Variants in MAMDC2 observed in about 807,000 individuals in gnomAD.
The protein encoded by MAMDC2 is MAM domain containing 2, also known as MAM domain-containing protein 2.
A neutral mutation model predicts 89.8 loss-of-function variants in MAMDC2; 57 were observed. The ratio of observed to expected loss-of-function variants is 0.63; its 90% CI spans 0.51 to 0.79. The LOEUF (loss-of-function observed/expected upper bound fraction) is 0.79, where lower values mean the gene tolerates loss of function less well. Among genes scored for constraint, MAMDC2 ranks in the 30% least tolerant of loss-of-function variants. The probability of loss-of-function intolerance (pLI) is 0.00; values close to 1 mark genes in which losing one functional copy is unlikely to be tolerated. For synonymous variants in MAMDC2, 313 were observed against 293.4 expected, an observed-to-expected ratio of 1.07 and a Z score of -0.68; for missense variants, 800 against 820.6, an observed-to-expected ratio of 0.97 and a Z score of 0.31.
intron 7 of MAMDC2, among the ~76,000 whole-genome samples, chr9:70,133,843 T>A (rs1482724429): frequency 6.6e-6 from 1 of 152,078 alleles, no homozygotes; most frequent in Non-Finnish European, 1.5e-5. Context: ...TGACCACCCA[T>A]CCCTGGAGAA....
chr9:70,145,204 C>G (rs910657096), intron 9 of MAMDC2, among the ~76,000 whole-genome samples: 3 of 152,182 alleles, frequency 2.0e-5, no homozygotes, highest in South Asian at 4.1e-4. Flanking sequence ...GTATTCCTTA[C>G]GTGATTTTAT....
chr9:70,221,102 T>A (rs996721770), intron 12 of MAMDC2, among the ~76,000 whole-genome samples: 16 of 151,768 alleles, frequency 1.1e-4, no homozygotes, highest in Admixed American at 2.6e-4. Flanking sequence ...GTATTGTCCA[T>A]TTACTATTCT....
intron 4 of MAMDC2, among the ~76,000 whole-genome samples, chr9:70,110,007 C>G (rs775741234): frequency 6.6e-6 from 1 of 152,106 alleles, no homozygotes; most frequent in Non-Finnish European, 1.5e-5. Flanking sequence ...TTAGAATCTG[C>G]CTGTACAGTC....
At chr9:70,218,256 A>T (rs998609857) in intron 11 of MAMDC2, 81 bp from the exon 12 acceptor site, 1 of 1,460,224 alleles carries the variant, frequency 6.8e-7, no homozygotes, top group Non-Finnish European at 9.2e-7. Context: ...TCTTGACTTG[A>T]CACTCTGAAA....
intron 11 of MAMDC2, among the ~76,000 whole-genome samples, chr9:70,214,410 G>A (rs1262056107): frequency 6.6e-6 from 1 of 152,172 alleles, no homozygotes; most frequent in Non-Finnish European, 1.5e-5. Flanking sequence ...TAATACAAAG[G>A]CCAGTGTGGC....
intron 9 of MAMDC2, 89 bp downstream of exon 9, chr9:70,143,908 T>C: frequency 6.7e-7 from 1 of 1,487,294 alleles, no homozygotes; most frequent in South Asian, 1.3e-5. Flanking sequence ...ACTGGTGATG[T>C]ATTATTTTCC....
At chr9:70,104,800 T>C (rs1380945352) in intron 2 of MAMDC2, among the ~76,000 whole-genome samples, 2 of 152,134 alleles carry the variant, frequency 1.3e-5, no homozygotes, top group African/African-American at 2.4e-5. Flanking sequence ...GAATGAGGGA[T>C]GACTGCTAAT....
intron 10 of MAMDC2, chr9:70,169,751 T>C (rs779781419): frequency 7.2e-5 from 11 of 152,310 alleles, no homozygotes; most frequent in Non-Finnish European, 1.3e-4. Context: ...AGAAGCACCA[T>C]TCTAATAATT....
rs960259902 is a variant in MAMDC2 at position 70,044,678 on chromosome 9, G to A, written c.129G>A (p.Pro43=). The A allele has an allele frequency of 1.2e-5, 18 of 1,551,404 alleles. No homozygotes were observed. The highest frequency in any genetic ancestry group is 1.7e-4 in the Middle Eastern group (1 of 5,994). ...TTGACTCCGTGTTGGCCTCTCTGCC[G>A]TGGATTTTAAATGAGGAAGGTAAGG... ...CGFDSVLASL[P]WILNEEGHYI... The change falls in exon 2 of 14, where the codon CCG becomes CCA. Residue 43 remains proline, a synonymous_variant. Transcript: ENST00000377182.
chr9:70,220,619 T>C (rs565350593), intron 12 of MAMDC2, among the ~76,000 whole-genome samples: 11 of 152,256 alleles, frequency 7.2e-5, no homozygotes, highest in Admixed American at 7.2e-4. Flanking sequence ...CTGATCCTAT[T>C]TCCCCATTTT....
At chr9:70,043,619 C>T (rs1335024537), upstream of MAMDC2, 1 of 154,628 alleles carries the variant, frequency 6.5e-6, no homozygotes, top group Non-Finnish European at 1.4e-5. Flanking sequence ...ATTCCACCCT[C>T]TTTCATTCTG....
intron 11 of MAMDC2, among the ~76,000 whole-genome samples, chr9:70,181,536 C>G (rs1409929300): frequency 6.6e-6 from 1 of 151,868 alleles, no homozygotes; most frequent in African/African-American, 2.4e-5. Context: ...TTCTTGAGCA[C>G]TGGTTTGTAG....
intron 2 of MAMDC2, among the ~76,000 whole-genome samples, chr9:70,058,158 A>G (rs562516077): frequency 1.9e-3 from 295 of 152,334 alleles, no homozygotes; most frequent in African/African-American, 6.9e-3. Flanking sequence ...TTATTGAGCA[A>G]TTATCACCAA....
intron 2 of MAMDC2, among the ~76,000 whole-genome samples, chr9:70,080,541 C>A (rs577075543): frequency 1.2e-3 from 177 of 152,266 alleles, no homozygotes; most frequent in Non-Finnish European, 2.0e-3. Context: ...TTAAGGTCCT[C>A]TGTTAAGAAA....
chr9:70,064,227 G>A (rs1426968089), intron 2 of MAMDC2, among the ~76,000 whole-genome samples: 1 of 151,900 alleles, frequency 6.6e-6, no homozygotes, highest in African/African-American at 2.4e-5. Flanking sequence ...ACATGAGTAG[G>A]TTCTTTGGTG....
chr9:70,086,846 A>G (rs1827780184), intron 2 of MAMDC2: 1 of 152,156 alleles, frequency 6.6e-6, no homozygotes. Context: ...AATCCATTTT[A>G]ACAGTGAGAC....
chr9:70,219,711 A>G (rs866411725), intron 12 of MAMDC2, among the ~76,000 whole-genome samples: 2 of 152,336 alleles, frequency 1.3e-5, no homozygotes, highest in Middle Eastern at 6.8e-3. Context: ...ACACCTAGAC[A>G]TTTGGCAAAG....
At chr9:70,199,310 T>A (rs963125776) in intron 11 of MAMDC2, among the ~76,000 whole-genome samples, 9 of 145,520 alleles carry the variant, frequency 6.2e-5, no homozygotes, top group Non-Finnish European at 6.0e-5. Context: ...GTTTGGTTTT[T>A]TGATCTTGCG....
chr9:70,046,009 T>C (rs1826741323), intron 2 of MAMDC2, among the ~76,000 whole-genome samples: 1 of 152,234 alleles, frequency 6.6e-6, no homozygotes, highest in Admixed American at 6.5e-5. Context: ...GTCTCTGTAA[T>C]CTTGCCACTC....
Sources: gnomAD v4.1 joint callset for allele counts (sites outside exome capture counted in the v4.1 genomes callset) on GRCh38, gnomAD v4.1.1 for gene constraint, MANE v1.5 for transcripts, NCBI Gene and HGNC (gene_info 2026-07-23, HGNC 2026-07-21) for gene names.